The following PTPA variants were observed in gnomAD, a reference collection of about 807,000 sequenced individuals.
The protein encoded by PTPA is serine/threonine-protein phosphatase 2A activator.
Under a neutral mutation model 43.6 loss-of-function variants are expected in PTPA, and 13 were observed. The observed-to-expected ratio is 0.30, with a 90% CI of 0.19 to 0.47. The LOEUF (loss-of-function observed/expected upper bound fraction) is 0.47, where lower values mean the gene tolerates loss of function less well. PTPA is among the 20% of genes least tolerant of loss of function. The probability of loss-of-function intolerance (pLI) is 0.99; values close to 1 mark genes in which losing one functional copy is unlikely to be tolerated. For missense variants in PTPA, 329 were observed against 411.9 expected, an observed-to-expected ratio of 0.80 and a Z score of 1.74; for synonymous variants, 172 against 158.2, an observed-to-expected ratio of 1.09 and a Z score of -0.66.
At position 129,142,560 on chromosome 9, in the gene PTPA, G is replaced by A. The variant is rs755636742; in HGVS notation, c.894+8G>A. 1.2e-6 allele frequency: 2 copies of A among 1,614,110 alleles called. No homozygotes were observed. The highest frequency in any genetic ancestry group is 1.7e-6 in the Non-Finnish European group (2 of 1,179,974). On this transcript the variant is annotated splice_region_variant and intron_variant, in intron 9 of 9. Coordinates refer to ENST00000393370, the MANE Select transcript of PTPA (RefSeq NM_178000.3). ...CGCATGTATAAGGCCGAGGTGAGTG[G>A]GGGCTGGCCAGTGTGCCCGTCCCTG...
intron 9 of PTPA, among the ~76,000 whole-genome samples, chr9:129,147,138 T>C (rs1359568951): frequency 6.6e-6 from 1 of 151,926 alleles, no homozygotes; most frequent in Non-Finnish European, 1.5e-5. Context: ...CCTGGCTGCC[T>C]CTCTTCTCGG....
chr9:129,133,498 GA>G, intron 5 of PTPA, among the ~76,000 whole-genome samples: 1 of 152,340 alleles, frequency 6.6e-6, no homozygotes, highest in Non-Finnish European at 1.5e-5. Flanking sequence ...GTCCTCCAGA[GA>G]CAGGACAGAA....
intron 9 of PTPA, among the ~76,000 whole-genome samples, chr9:129,146,114 G>A (rs1354917783): frequency 6.6e-6 from 1 of 151,922 alleles, no homozygotes; most frequent in Non-Finnish European, 1.5e-5. Context: ...TGGGGGGTGG[G>A]GGGGCTCTTA....
At position 129,142,786 on chromosome 9, in the gene PTPA, C is replaced by T. The variant is rs1177040606; in HGVS notation, c.894+234C>T. 5.2e-6 allele frequency: 8 copies of T among 1,536,052 alleles called. No individual in the cohort carries two copies. In the Admixed American group the frequency reaches 5.9e-5, roughly 11 times the overall value. On this transcript the variant is annotated intron_variant, in intron 9 of 9. Transcript: ENST00000393370. ...CCGAAAAGCTGCAGTCCAGCTCTGT[C>T]CTGATGAGCTTGGAGGCTGAGGCAA... is the stretch of plus-strand genomic sequence containing the variant.
chr9:129,120,615 C>A lies in PTPA; in HGVS notation c.129+5C>A. ...GGCAAATGGAAGCGTTCTCAGGTAC[C>A]ATTTGGAACTGTGGTGAGAAACTTG... On this transcript the variant is annotated splice_donor_5th_base_variant and intron_variant, in intron 2 of 9. Transcript: ENST00000393370. 3.7e-6 allele frequency: 6 copies of A among 1,607,004 alleles called. No individual in the cohort carries two copies. The highest frequency in any genetic ancestry group is 5.1e-6 in the Non-Finnish European group (6 of 1,174,226).
In PTPA at chr9:129,142,335, C is replaced by G. The variant is rs571051408; in HGVS notation, c.787-110C>G. 7 of 833,806 alleles carry G rather than the reference C, an allele frequency of 8.4e-6. No individual in the cohort carries two copies. The African/African-American group carries it at 1.1e-4, about 13-fold the overall frequency. 51.7% of individuals were successfully genotyped at this position (833,806 alleles called of 1,614,324 possible). On this transcript the variant is annotated intron_variant, in intron 8 of 9. Transcript: ENST00000393370. ...TCTGCGCGTGCATTGTGTGCGTGTG[C>G]GTTTGTGTGTGTGTGTGTGTGCATG...
At chr9:129,111,732 GGAGGGGCAAAAGCT>G in intron 1 of PTPA, 101 bp downstream of exon 1, 2 of 1,240,976 alleles carry the variant, frequency 1.6e-6, no homozygotes, top group Non-Finnish European at 1.0e-6. Flanking sequence ...CGGAGGAACT[GGAGGGGCAAAAGCT>G]GAGGGGCCCC....
At chr9:129,141,536 A>C (rs2131618426) in intron 8 of PTPA, 1 of 152,244 alleles carries the variant, frequency 6.6e-6, no homozygotes, top group East Asian at 1.9e-4. Context: ...ATAAATACAA[A>C]TGTGCTGGAC....
At chr9:129,136,710 GA>G in intron 7 of PTPA, 115 bp downstream of exon 7, 1 of 1,299,856 alleles carries the variant, frequency 7.7e-7, no homozygotes, top group Admixed American at 2.7e-5. Context: ...GGCAGACAGT[GA>G]CAGCTTGGAA....
rs1296460669 is a variant in PTPA at position 129,136,564 on chromosome 9, G to A, written c.654G>A (p.Leu218=). ...GGGGTCTGGATGACTTCCAGTTTCT[G>A]CCCTTCATCTGGGGCAGTTCGCAGC... The part of the protein sequence containing the change: ...GVWGLDDFQF[L]PFIWGSSQLI... Residue 218 remains leucine, a synonymous_variant, in exon 7 of 10, where the codon CTG becomes CTA. Transcript: ENST00000393370. The A allele has an allele frequency of 2.5e-6, 4 of 1,613,714 alleles. No homozygotes were observed. The highest frequency in any genetic ancestry group is 3.4e-6 in the Non-Finnish European group (4 of 1,179,794).
At chr9:129,113,662 C>T (rs905685605) in intron 1 of PTPA, among the ~76,000 whole-genome samples, 3 of 151,830 alleles carry the variant, frequency 2.0e-5, no homozygotes, top group Admixed American at 6.6e-5. Context: ...CGCAGCTACT[C>T]GGGAGGCTGA....
upstream of PTPA, chr9:129,111,390 T>C: frequency 1.6e-6 from 2 of 1,219,544 alleles, no homozygotes; most frequent in Non-Finnish European, 2.1e-6. Context: ...CGGCCGTTAA[T>C]AGGCTTGCTC....
chr9:129,137,146 A>G (rs1175098206), intron 7 of PTPA, among the ~76,000 whole-genome samples: 2 of 152,202 alleles, frequency 1.3e-5, no homozygotes, highest in Admixed American at 1.3e-4. Context: ...ATGAAGAATG[A>G]ACTGCCTACA....
At chr9:129,147,244 G>C (rs775367295) in intron 9 of PTPA, 143 bp from the exon 10 acceptor site, 4 of 696,190 alleles carry the variant, frequency 5.7e-6, no homozygotes, top group Non-Finnish European at 7.4e-6. Flanking sequence ...GTGAGGAACT[G>C]GGGGAGGAAG....
intron 8 of PTPA, chr9:129,137,896 C>A: frequency 1.6e-6 from 1 of 607,490 alleles, no homozygotes; most frequent in Non-Finnish European, 3.0e-6. Flanking sequence ...CCCAGTTCTC[C>A]TTCAGTTTCT....
chr9:129,143,654 G>GC (rs1851068661), intron 9 of PTPA: 4 of 521,386 alleles, frequency 7.7e-6, no homozygotes, highest in African/African-American at 3.8e-5. Flanking sequence ...ACTCCCTTCC[G>GC]CCCCCTCCCC....
At chr9:129,145,910 G>A (rs548909851) in intron 9 of PTPA, among the ~76,000 whole-genome samples, 14 of 152,258 alleles carry the variant, frequency 9.2e-5, no homozygotes, top group Non-Finnish European at 1.6e-4. Flanking sequence ...GAGAAAGGCT[G>A]GGCTGGAGGC....
At chr9:129,143,243 C>T (rs1224990283) in intron 9 of PTPA, 3 of 693,366 alleles carry the variant, frequency 4.3e-6, no homozygotes, top group Non-Finnish European at 7.9e-6. Flanking sequence ...CTACTCTGTC[C>T]CTTCTGCTAG....
At chr9:129,129,311 A>G (rs534617683) in intron 4 of PTPA, among the ~76,000 whole-genome samples, 1 of 152,292 alleles carries the variant, frequency 6.6e-6, no homozygotes, top group East Asian at 1.9e-4. Flanking sequence ...CTGTGCACAT[A>G]CGGCCCTCTG....
Sources: gnomAD v4.1 joint callset for allele counts (sites outside exome capture counted in the v4.1 genomes callset) on GRCh38, gnomAD v4.1.1 for gene constraint, MANE v1.5 for transcripts, NCBI Gene and HGNC (gene_info 2026-07-23, HGNC 2026-07-21) for gene names.